Variants in GABRB3 observed in about 807,000 individuals in gnomAD.
GABRB3 encodes the protein gamma-aminobutyric acid type A receptor subunit beta3, also known as gamma-aminobutyric acid receptor subunit beta-3.
A neutral mutation model predicts 52.1 loss-of-function variants in GABRB3; 14 were observed. The ratio of observed to expected loss-of-function variants is 0.27; its 90% CI spans 0.18 to 0.42. The LOEUF is 0.42. Among genes scored for constraint, GABRB3 ranks in the 10% least tolerant of loss-of-function variants. The probability of loss-of-function intolerance (pLI) is 1.00; values close to 1 mark genes in which losing one functional copy is unlikely to be tolerated. For synonymous variants in GABRB3, 260 were observed against 232.3 expected (o/e 1.12, Z -1.08); for missense variants, 307 against 609.1 (o/e 0.50, Z 5.22).
At chr15:26,655,290 G>C (rs1887331578) in intron 3 of GABRB3, among the ~76,000 whole-genome samples, 2 of 152,064 alleles carry the variant, frequency 1.3e-5, no homozygotes, top group Non-Finnish European at 2.9e-5. Context: ...AAATCTGTCT[G>C]ATATATCATA....
chr15:26,660,458 G>C (rs1343236588), intron 3 of GABRB3, among the ~76,000 whole-genome samples: 1 of 152,058 alleles, frequency 6.6e-6, no homozygotes, highest in Non-Finnish European at 1.5e-5. Context: ...TATATATAGA[G>C]GATAAATACA....
chr15:26,589,047 G>A (rs1041715507), intron 4 of GABRB3, among the ~76,000 whole-genome samples: 2 of 152,196 alleles, frequency 1.3e-5, no homozygotes, highest in African/African-American at 2.4e-5. Context: ...CTTAGAGACC[G>A]TTCCCTGCAC....
intron 3 of GABRB3, chr15:26,629,165 G>C: frequency 6.7e-7 from 1 of 1,497,324 alleles, no homozygotes; most frequent in Non-Finnish European, 8.9e-7. Context: ...AGTGTGGGGA[G>C]AAGCAGCTCC....
chr15:26,754,763 A>C (rs970601291), intron 3 of GABRB3, among the ~76,000 whole-genome samples: 1 of 152,160 alleles, frequency 6.6e-6, no homozygotes, highest in Admixed American at 6.5e-5. Flanking sequence ...AGGCAACGAC[A>C]CAAAGGAGGA....
At chr15:26,551,420 T>C (rs2140653587) in intron 8 of GABRB3, among the ~76,000 whole-genome samples, 1 of 152,330 alleles carries the variant, frequency 6.6e-6, no homozygotes, top group South Asian at 2.1e-4. Flanking sequence ...CCTCGGCCAC[T>C]GCAACATATC....
At chr15:26,642,830 T>A (rs750626069) in intron 3 of GABRB3, among the ~76,000 whole-genome samples, 3 of 152,188 alleles carry the variant, frequency 2.0e-5, no homozygotes, top group Non-Finnish European at 4.4e-5. Context: ...CATTTTCTAT[T>A]AATTTATTCA....
At chr15:26,559,243 G>A (rs1322759228) in intron 8 of GABRB3, among the ~76,000 whole-genome samples, 1 of 152,148 alleles carries the variant, frequency 6.6e-6, no homozygotes, top group East Asian at 1.9e-4. Context: ...TGATCTGGCT[G>A]TTTCAAAGTA....
At chr15:26,619,357 T>G (rs978969440) in intron 4 of GABRB3, among the ~76,000 whole-genome samples, 2 of 151,916 alleles carry the variant, frequency 1.3e-5, no homozygotes, top group African/African-American at 4.8e-5. Context: ...GATGAGTTCA[T>G]GTCCTTTGTA....
chr15:26,645,201 G>A (rs904250104), intron 3 of GABRB3, among the ~76,000 whole-genome samples: 2 of 152,086 alleles, frequency 1.3e-5, no homozygotes, highest in Admixed American at 1.3e-4. Context: ...ATGATTGCAC[G>A]ACGCACTACA....
At chr15:26,635,549 C>T (rs920763596) in intron 3 of GABRB3, among the ~76,000 whole-genome samples, 8 of 151,992 alleles carry the variant, frequency 5.3e-5, no homozygotes, top group South Asian at 2.1e-4. Flanking sequence ...GAAAGAAAGA[C>T]GTTTATTTAT....
At chr15:26,626,946 T>G (rs987044929) in intron 3 of GABRB3, among the ~76,000 whole-genome samples, 1 of 152,318 alleles carries the variant, frequency 6.6e-6, no homozygotes, top group African/African-American at 2.4e-5. Context: ...GAAGAGGCCA[T>G]GTCGGACTTT....
intron 8 of GABRB3, among the ~76,000 whole-genome samples, chr15:26,555,079 G>T (rs1404550213): frequency 6.6e-6 from 1 of 152,140 alleles, no homozygotes; most frequent in Non-Finnish European, 1.5e-5. Context: ...AGTTACTTGG[G>T]AGGCTGAGGC....
At chr15:26,554,419 C>T (rs1460319034) in intron 8 of GABRB3, among the ~76,000 whole-genome samples, 1 of 151,246 alleles carries the variant, frequency 6.6e-6, no homozygotes, top group Non-Finnish European at 1.5e-5. Context: ...TTAACAAATT[C>T]GTGGAGTGAA....
intron 3 of GABRB3, among the ~76,000 whole-genome samples, chr15:26,688,153 T>C (rs1453453923): frequency 1.3e-5 from 2 of 152,138 alleles, no homozygotes; most frequent in Non-Finnish European, 2.9e-5. Flanking sequence ...TAGTTTGGAG[T>C]CAATGGCAAG....
At chr15:26,679,934 C>A (rs1250330146) in intron 3 of GABRB3, among the ~76,000 whole-genome samples, 1 of 152,190 alleles carries the variant, frequency 6.6e-6, no homozygotes, top group Non-Finnish European at 1.5e-5. Flanking sequence ...CCCTCTATTT[C>A]TTTCATAATC....
intron 3 of GABRB3, among the ~76,000 whole-genome samples, chr15:26,731,795 C>T (rs913843358): frequency 5.3e-5 from 8 of 152,206 alleles, no homozygotes; most frequent in African/African-American, 1.9e-4. Flanking sequence ...ATCCTGCATA[C>T]CATTTAGCGG....
At chr15:26,570,775 C>T (rs1890364545) in intron 6 of GABRB3, among the ~76,000 whole-genome samples, 1 of 152,096 alleles carries the variant, frequency 6.6e-6, no homozygotes. Flanking sequence ...TCTTTTTCCT[C>T]CTTCCAAATG....
intron 3 of GABRB3, among the ~76,000 whole-genome samples, chr15:26,760,465 C>A (rs1392604064): frequency 6.6e-6 from 1 of 152,042 alleles, no homozygotes; most frequent in African/African-American, 2.4e-5. Context: ...AAAGCTAAAC[C>A]CTCTATGTTC....
In GABRB3 at chr15:26,580,342, G is replaced by C; in HGVS notation, c.659C>G (p.Ser220Trp). 6.2e-7 allele frequency: 1 copy of C among 1,614,106 alleles called. No homozygotes were observed. Among genetic ancestry groups the C allele is most frequent in the Non-Finnish European group, 8.5e-7 (1 of 1,180,028 alleles). The change falls in exon 6 of 9, where the codon TCG (serine) becomes TGG (tryptophan). Residue 220 changes from serine (S) to tryptophan (W), a missense_variant. Ser to Trp is a radical substitution (Grantham distance 177). Around this residue, in one of 6 missense-constraint regions of GABRB3, gnomAD observed 23 missense variants for 34.2 expected, o/e 0.67. Coordinates refer to ENST00000311550, the MANE Select transcript of GABRB3 (RefSeq NM_000814.6). Reference protein sequence around the residue: ...QFSIVEHRLVSRNVVFATGAY... With the variant: ...QFSIVEHRLVWRNVVFATGAY... ...ACCTGTGGCGAAGACAACATTCCTC[G>C]AGACCAGACGGTGCTCCACGATGGA...
Sources: allele counts gnomAD v4.1 joint callset (sites outside exome capture counted in the v4.1 genomes callset), GRCh38; gene constraint gnomAD v4.1.1; regional missense constraint gnomAD v4.1.1; transcripts MANE v1.5; gene names NCBI Gene and HGNC (gene_info 2026-07-23, HGNC 2026-07-21).